INTS13: variants seen among roughly 807,000 people sequenced by gnomAD.
INTS13 encodes integrator complex subunit 13, also known as asunder, spermatogenesis regulator homolog (Drosphila).
A neutral mutation model predicts 90.2 loss-of-function variants in INTS13; 35 were observed. The observed-to-expected ratio is 0.39, with a 90% confidence interval of 0.30 to 0.51. INTS13 has a LOEUF of 0.51. Among genes scored for constraint, INTS13 ranks in the 20% least tolerant of loss-of-function variants. INTS13 has a pLI of 0.80. For synonymous variants in INTS13, 309 were observed against 277.1 expected (o/e 1.11, Z -1.14); for missense variants, 601 against 851.2 (o/e 0.71, Z 3.66).
At chr12:26,913,417 C>T (rs3736227) in intron 14 of INTS13, 40 bp downstream of exon 14, 735,518 of 1,497,566 alleles carry the variant, frequency 0.49, 184,064 homozygotes, top group East Asian at 0.78. Context: ...TGTGATATAA[C>T]AAAAGGCACC....
intron 8 of INTS13, among the ~76,000 whole-genome samples, chr12:26,918,705 T>A (rs140155546): frequency 1.7e-4 from 26 of 152,290 alleles, no homozygotes; most frequent in African/African-American, 5.5e-4. Flanking sequence ...AAGATATTAA[T>A]CTAATAATAA....
intron 2 of INTS13, among the ~76,000 whole-genome samples, chr12:26,935,179 T>C (rs1938396690): frequency 6.6e-6 from 1 of 152,198 alleles, no homozygotes; most frequent in South Asian, 2.1e-4. Flanking sequence ...AGCTGGATCA[T>C]ATAGGGCACC....
At chr12:26,910,692 TTTTATC>T (rs1467574183) in intron 15 of INTS13, among the ~76,000 whole-genome samples, 1 of 152,130 alleles carries the variant, frequency 6.6e-6, no homozygotes, top group African/African-American at 2.4e-5. Context: ...TCTTGGGTAT[TTTTATC>T]TTTATTAGCA....
intron 6 of INTS13, among the ~76,000 whole-genome samples, chr12:26,924,885 G>C (rs1204654651): frequency 6.6e-6 from 1 of 152,084 alleles, no homozygotes; most frequent in East Asian, 1.9e-4. Flanking sequence ...AAACCCTGCA[G>C]ATAAAACTAA....
At chr12:26,917,921 A>C (rs1161687315) in intron 8 of INTS13, among the ~76,000 whole-genome samples, 188 bp from the exon 9 acceptor site, 1 of 152,156 alleles carries the variant, frequency 6.6e-6, no homozygotes, top group Non-Finnish European at 1.5e-5. Flanking sequence ...CAGGAGTTCA[A>C]GACCAGCCTG....
At chr12:26,927,351 A>G (rs978239535) in intron 5 of INTS13, among the ~76,000 whole-genome samples, 30 of 152,214 alleles carry the variant, frequency 2.0e-4, no homozygotes, top group Admixed American at 2.0e-3. Flanking sequence ...ATTAACTCCA[A>G]GGATTGTCAT....
At chr12:26,905,581 T>C (rs1951585427) in intron 16 of INTS13, 45 bp from the exon 17 acceptor site, 2 of 1,540,750 alleles carry the variant, frequency 1.3e-6, no homozygotes, top group Non-Finnish European at 1.8e-6. Flanking sequence ...AAATATTCAT[T>C]AACATTTTGT....
chr12:26,909,748 AT>A (rs1951720693), intron 15 of INTS13, among the ~76,000 whole-genome samples: 1 of 152,262 alleles, frequency 6.6e-6, no homozygotes, highest in South Asian at 2.1e-4. Flanking sequence ...GGCAAATATA[AT>A]AAGATCACCT....
chr12:26,931,721 C>T (rs1938202109), intron 3 of INTS13, among the ~76,000 whole-genome samples: 1 of 152,100 alleles, frequency 6.6e-6, no homozygotes, highest in Non-Finnish European at 1.5e-5. Flanking sequence ...AAACATAAAC[C>T]TAACTAGTTG....
rs1360185937 is a variant in INTS13, at chr12:26,915,987, A to G, written c.1248+15T>C. 2 of 1,584,258 alleles carry G rather than the reference A, an allele frequency of 1.3e-6. No homozygotes were observed. Among genetic ancestry groups the G allele is most frequent in the Non-Finnish European group, 1.7e-6 (2 of 1,163,406 alleles). ...CAGATTCAAAACTTAAAATTTATAG[A>G]TATTAGAGTCTTACTGTAATCCGGT... On this transcript the variant is annotated intron_variant, in intron 11 of 16. Coordinates refer to ENST00000261191, the MANE Select transcript of INTS13 (RefSeq NM_018164.3).
chr12:26,916,317 C>G (rs753017397), intron 10 of INTS13, 137 bp from the exon 11 acceptor site: 1 of 777,286 alleles, frequency 1.3e-6, no homozygotes, highest in Non-Finnish European at 2.0e-6. Flanking sequence ...TTTAGTGTAT[C>G]TACTCTTCCA....
intron 6 of INTS13, 28 bp downstream of exon 6, chr12:26,925,733 T>C (rs752269631): frequency 6.6e-7 from 1 of 1,514,046 alleles, no homozygotes; most frequent in Non-Finnish European, 9.1e-7. Context: ...ACCACAATAG[T>C]CTTTTCTTTC....
chr12:26,916,398 C>G (rs1286940922), intron 10 of INTS13, among the ~76,000 whole-genome samples: 2 of 152,200 alleles, frequency 1.3e-5, no homozygotes, highest in Non-Finnish European at 2.9e-5. Context: ...AATACAGTTT[C>G]TCACAACAAC....
At chr12:26,923,449 T>C (rs981083761) in intron 7 of INTS13, among the ~76,000 whole-genome samples, 7 of 152,214 alleles carry the variant, frequency 4.6e-5, no homozygotes, top group African/African-American at 1.4e-4. Flanking sequence ...TGCAATTTAT[T>C]GTTCATAATA....
Position 26,913,523 on chromosome 12 carries a change from T to C in INTS13, c.1739A>G (p.Lys580Arg). The change falls in exon 14 of 17, where the codon AAA becomes AGA. Residue 580 changes from lysine (K) to arginine (R), a missense_variant. By Grantham distance (26) the Lys-to-Arg change is conservative. Coordinates refer to ENST00000261191, the MANE Select transcript of INTS13 (RefSeq NM_018164.3). ...RKKRGRKREDKEDKSEKAVKD... is the reference protein window; with the variant it reads ...RKKRGRKREDREDKSEKAVKD... ...CACTGCTTTCTCTGACTTGTCCTCT[T>C]TGTCTTCCCTCTTTCTTCCTCGTTT... is the stretch of plus-strand genomic sequence containing the variant. The C allele has an allele frequency of 1.9e-6, 3 of 1,614,134 alleles. No individual in the cohort carries two copies. The highest frequency in any genetic ancestry group is 2.5e-6 in the Non-Finnish European group (3 of 1,180,012).
chr12:26,927,608 A>C (rs1937952413), intron 5 of INTS13, among the ~76,000 whole-genome samples: 1 of 152,154 alleles, frequency 6.6e-6, no homozygotes, highest in Non-Finnish European at 1.5e-5. Context: ...ATTTAAATTT[A>C]AATTAAATTA....
rs1403909653 is a variant in INTS13 at position 26,913,668 on chromosome 12, T to C, written c.1594A>G (p.Met532Val). The change falls in exon 14 of 17, where the codon ATG (methionine) becomes GTG (valine). Residue 532 changes from methionine to valine, a missense_variant. Physicochemically the swap from Met to Val is conservative, Grantham distance 21. Around this residue, in one of 3 missense-constraint regions of INTS13, gnomAD observed 228 missense variants for 272.5 expected, o/e 0.84. Transcript: ENST00000261191. ...ACAAGGGTTTCTAATTCATTCCACA[T>C]GATACGGTATTGTTCATCTCTGCAG... ...GPKRDEQYRI[M>V]WNELETLVRA... 3.7e-6 allele frequency: 6 copies of C among 1,613,192 alleles called. No homozygotes were observed. The highest frequency in any genetic ancestry group is 1.7e-5 in the Admixed American group (1 of 59,984).
At chr12:26,918,309 T>C (rs1952003701) in intron 8 of INTS13, among the ~76,000 whole-genome samples, 1 of 152,180 alleles carries the variant, frequency 6.6e-6, no homozygotes, top group African/African-American at 2.4e-5. Flanking sequence ...CATTATCAAG[T>C]AGATCACAAG....
upstream of INTS13, chr12:26,938,327 A>G (rs1469404959): frequency 6.6e-6 from 1 of 152,152 alleles, no homozygotes; most frequent in African/African-American, 2.4e-5. Context: ...AACTCGCGAG[A>G]CTTTGCGAGA....
Sources: allele counts gnomAD v4.1 joint callset (sites outside exome capture counted in the v4.1 genomes callset), GRCh38; gene constraint gnomAD v4.1.1; regional missense constraint gnomAD v4.1.1; transcripts MANE v1.5; gene names NCBI Gene and HGNC (gene_info 2026-07-23, HGNC 2026-07-21).